Variants in ESR1 observed in about 807,000 individuals in gnomAD.
ESR1 encodes the protein estrogen receptor.
ESR1 carries 12 observed loss-of-function variants against 52.7 expected under a neutral mutation model. The observed-to-expected ratio is 0.23, with a 90% CI of 0.15 to 0.37. The LOEUF (loss-of-function observed/expected upper bound fraction) is 0.37. Among genes scored for constraint, ESR1 ranks in the 10% least tolerant of loss-of-function variants. The probability of loss-of-function intolerance (pLI) is 1.00; values close to 1 mark genes in which losing one functional copy is unlikely to be tolerated. For missense variants in ESR1, 584 were observed against 779.7 expected (o/e 0.75, Z 2.99); for synonymous variants, 305 against 316.8 (o/e 0.96, Z 0.39).
chr6:151,974,990 T>A (rs561188955), intron 4 of ESR1, among the ~76,000 whole-genome samples: 1 of 152,236 alleles, frequency 6.6e-6, no homozygotes, highest in Non-Finnish European at 1.5e-5. Context: ...AAGATTAAAC[T>A]CTTTTCACCT....
intron 2 of ESR1, among the ~76,000 whole-genome samples, chr6:151,783,780 A>G (rs1418113115): frequency 6.6e-6 from 1 of 152,212 alleles, no homozygotes; most frequent in East Asian, 1.9e-4. Flanking sequence ...TTTCTACCCA[A>G]TGTCCGTTTT....
At chr6:151,846,207 C>T (rs894808858) in intron 2 of ESR1, among the ~76,000 whole-genome samples, 4 of 152,110 alleles carry the variant, frequency 2.6e-5, no homozygotes, top group African/African-American at 4.8e-5. Flanking sequence ...GAATTCTATG[C>T]GTAATATTTA....
At chr6:151,893,323 T>A (rs1419142589) in intron 3 of ESR1, among the ~76,000 whole-genome samples, 2 of 152,130 alleles carry the variant, frequency 1.3e-5, no homozygotes, top group African/African-American at 2.4e-5. Flanking sequence ...CACTCCAGCC[T>A]GGGTAACAGA....
In ESR1 at chr6:152,094,260, C is replaced by T; in HGVS notation, c.1370-125C>T. 1 of 846,652 alleles carries T rather than the reference C, an allele frequency of 1.2e-6. No homozygotes were observed. Among genetic ancestry groups the T allele is most frequent in the South Asian group, 1.3e-5 (1 of 75,046 alleles). The allele number at this position is 846,652 out of a possible 1,614,324, so 52.4% of individuals were successfully genotyped here. A position where few individuals can be genotyped will look rare whatever the true frequency, so the allele number is the denominator to read the frequency against. ...CGGTTTTAAATGGGTCCAGAGCATC[C>T]CCATTGCTAGACTACTGTGCTGAGG... On this transcript the variant is annotated intron_variant, in intron 6 of 7. Coordinates refer to ENST00000206249, the MANE Select transcript of ESR1 (RefSeq NM_000125.4). This position sits in a 1 kb window ranked among gnomAD's most constrained non-coding sequence, Gnocchi z 4.6.
intron 4 of ESR1, among the ~76,000 whole-genome samples, chr6:151,983,753 C>G (rs189791448): frequency 6.6e-6 from 1 of 152,164 alleles, no homozygotes; most frequent in Admixed American, 6.5e-5. Context: ...AATTCCATTC[C>G]TGCCTTTAGC....
chr6:151,870,710 T>C (rs1352921955), intron 2 of ESR1, among the ~76,000 whole-genome samples: 1 of 152,208 alleles, frequency 6.6e-6, no homozygotes, highest in Non-Finnish European at 1.5e-5. Context: ...CAGCACCTGG[T>C]CCATGGGAAG....
chr6:151,665,648 C>T (rs553243661), intron 1 of ESR1, among the ~76,000 whole-genome samples: 150 of 152,258 alleles, frequency 9.9e-4, no homozygotes, highest in African/African-American at 3.6e-3. Flanking sequence ...TCATCCCTCC[C>T]TTTCCCATGC....
Position 151,808,124 on chromosome 6 carries a change from A to C in ESR1, c.212A>C (p.Gln71Pro). The change falls in exon 1 of 8, where the codon CAG (glutamine) becomes CCG (proline). Residue 71 changes from glutamine to proline, a missense_variant. By Grantham distance (76) the Gln-to-Pro change is moderately conservative. Coordinates refer to ENST00000206249, the MANE Select transcript of ESR1 (RefSeq NM_000125.4). ...EFNAAAAANAQVYGQTGLPYG... is the reference protein window; with the variant it reads ...EFNAAAAANAPVYGQTGLPYG... The stretch of plus-strand genomic sequence containing the variant: ...AACGCCGCGGCCGCCGCCAACGCGC[A>C]GGTCTACGGTCAGACCGGCCTCCCC... 1 of 1,610,244 alleles carries C rather than the reference A, an allele frequency of 6.2e-7. No homozygotes were observed. Among genetic ancestry groups the C allele is most frequent in the Non-Finnish European group, 8.5e-7 (1 of 1,178,788 alleles).
At chr6:151,842,015 A>C (rs942591544) in intron 1 of ESR1, among the ~76,000 whole-genome samples, 2 of 152,196 alleles carry the variant, frequency 1.3e-5, no homozygotes, top group African/African-American at 4.8e-5. Context: ...CACCATGCTC[A>C]GTCTCTACAT....
At chr6:151,966,174 A>C (rs559433588) in intron 4 of ESR1, among the ~76,000 whole-genome samples, 1 of 152,294 alleles carries the variant, frequency 6.6e-6, no homozygotes, top group African/African-American at 2.4e-5. Context: ...TTCTGCTTTC[A>C]AATTCTTTCC....
intron 1 of ESR1, among the ~76,000 whole-genome samples, chr6:151,823,510 T>C (rs1283433724): frequency 1.3e-5 from 2 of 152,214 alleles, no homozygotes; most frequent in African/African-American, 2.4e-5. Context: ...CTAGGGTACA[T>C]GTGCACAATG....
chr6:151,697,896 C>A (rs566728835), intron 1 of ESR1, among the ~76,000 whole-genome samples: 73 of 151,880 alleles, frequency 4.8e-4, no homozygotes, highest in Non-Finnish European at 6.9e-4. Flanking sequence ...GTCAGGCATT[C>A]GAGACCAGCC....
At chr6:152,078,424 G>A (rs2048919082) in intron 6 of ESR1, among the ~76,000 whole-genome samples, 1 of 152,144 alleles carries the variant, frequency 6.6e-6, no homozygotes, top group African/African-American at 2.4e-5. Context: ...CTTTGCAGTG[G>A]GTTAGATACT....
At chr6:151,973,288 C>G (rs2039096692) in intron 4 of ESR1, among the ~76,000 whole-genome samples, 1 of 152,022 alleles carries the variant, frequency 6.6e-6, no homozygotes, top group Admixed American at 6.6e-5. Flanking sequence ...AGTAATTTGC[C>G]CAGAATACCT....
intron 2 of ESR1, among the ~76,000 whole-genome samples, chr6:151,875,483 G>A (rs979616035): frequency 3.9e-5 from 6 of 152,150 alleles, no homozygotes; most frequent in African/African-American, 1.4e-4. Flanking sequence ...GTGAGAATGC[G>A]CTGGGCTCAG....
At chr6:151,757,395 G>T (rs1784372192) in intron 2 of ESR1, among the ~76,000 whole-genome samples, 1 of 152,146 alleles carries the variant, frequency 6.6e-6, no homozygotes, top group African/African-American at 2.4e-5. Context: ...AGGCTTTTAA[G>T]GACATATTAA....
At chr6:151,689,425 A>G (rs538154971), upstream of ESR1, among the ~76,000 whole-genome samples, 5 of 152,338 alleles carry the variant, frequency 3.3e-5, no homozygotes, top group African/African-American at 1.2e-4. Flanking sequence ...TAAATACTTT[A>G]CATATTAACT....
At chr6:151,991,598 T>C (rs962366779) in intron 4 of ESR1, among the ~76,000 whole-genome samples, 2 of 151,942 alleles carry the variant, frequency 1.3e-5, no homozygotes, top group African/African-American at 2.4e-5. Context: ...AAGAGAAAAT[T>C]TCACAGAGAA....
chr6:151,761,195 A>G lies in ESR1; in HGVS notation c.-70-46648A>G, dbSNP rs538542083. Reference sequence around the variant, plus strand: ...ATTAAAAAAAAAAACTAGAACAGCAATACCTTGGTGGTTGGCAGGTGTTTA... The same window carrying G: ...ATTAAAAAAAAAAACTAGAACAGCAGTACCTTGGTGGTTGGCAGGTGTTTA... On this transcript the variant is annotated intron_variant, in intron 2 of 2. Transcript: ENST00000404742. Among the ~76,000 whole-genome samples, 5 of 152,196 alleles carry G rather than the reference A, an allele frequency of 3.3e-5. 1 individual carries two copies. Among genetic ancestry groups the G allele is most frequent in the Middle Eastern group, 3.4e-3 (1 of 294 alleles).
Sources: allele counts gnomAD v4.1 joint callset (sites outside exome capture counted in the v4.1 genomes callset), GRCh38; gene constraint gnomAD v4.1.1; non-coding constraint Gnocchi (gnomAD v3.1); transcripts MANE v1.5; gene names NCBI Gene and HGNC (gene_info 2026-07-23, HGNC 2026-07-21).